KIF13B: variants seen among roughly 807,000 people sequenced by gnomAD.
KIF13B encodes kinesin family member 13B, also known as kinesin-like protein KIF13B.
In KIF13B, 127 loss-of-function variants were observed where a neutral mutation model predicts 222.0. That is an observed-to-expected ratio of 0.57 (90% CI 0.50 to 0.66). KIF13B has a LOEUF of 0.66. Among genes scored for constraint, KIF13B ranks in the 30% least tolerant of loss-of-function variants. The pLI, the probability that KIF13B is intolerant of heterozygous loss-of-function variation, is 0.00. For synonymous variants in KIF13B, 976 were observed against 919.0 expected, an observed-to-expected ratio of 1.06 and a Z score of -1.12; for missense variants, 2,173 against 2,379.0, an observed-to-expected ratio of 0.91 and a Z score of 1.80.
intron 2 of KIF13B, among the ~76,000 whole-genome samples, chr8:29,242,943 T>C (rs1254355216): frequency 1.3e-5 from 2 of 152,218 alleles, no homozygotes; most frequent in African/African-American, 4.8e-5. Context: ...TTAAGCAAAC[T>C]GAGTAAAATA....
At chr8:29,244,559 A>T (rs1305198336) in intron 2 of KIF13B, among the ~76,000 whole-genome samples, 1 of 152,100 alleles carries the variant, frequency 6.6e-6, no homozygotes, top group Non-Finnish European at 1.5e-5. Context: ...TTCCTAATCC[A>T]CCTTGATCCT....
At chr8:29,125,037 A>G (rs77153149) in intron 26 of KIF13B, among the ~76,000 whole-genome samples, 3 of 152,346 alleles carry the variant, frequency 2.0e-5, no homozygotes, top group African/African-American at 4.8e-5. Context: ...GTGGTAGAGC[A>G]AGACTCTGTC....
At chr8:29,162,668 A>G (rs1811832372) in intron 12 of KIF13B, among the ~76,000 whole-genome samples, 1 of 152,230 alleles carries the variant, frequency 6.6e-6, no homozygotes, top group Admixed American at 6.5e-5. Flanking sequence ...TTTTTGTCAA[A>G]GCCGAAAGAG....
rs1039548208 is a variant in KIF13B at position 29,160,873 on chromosome 8, A to G, written c.1270-6T>C. On this transcript the variant is annotated splice_region_variant and splice_polypyrimidine_tract_variant and intron_variant, in intron 12 of 39. Coordinates refer to ENST00000524189, the MANE Select transcript of KIF13B (RefSeq NM_015254.4). ...TCAAGCTGTTTCTGTCGTTCCTGTA[A>G]ATGTTATCAGAGAAGTATTAATTTC... The G allele has an allele frequency of 4.3e-6, 7 of 1,612,268 alleles. No individual in the cohort carries two copies. The South Asian group carries it at 6.6e-5, about 15-fold the overall frequency.
intron 1 of KIF13B, among the ~76,000 whole-genome samples, chr8:29,252,779 A>G (rs1384929157): frequency 2.0e-5 from 3 of 152,228 alleles, no homozygotes; most frequent in Admixed American, 1.3e-4. Flanking sequence ...AGCAGGAAAC[A>G]CTACCTATAC....
chr8:29,139,527 C>T (rs538263784), intron 21 of KIF13B, among the ~76,000 whole-genome samples: 1 of 152,284 alleles, frequency 6.6e-6, no homozygotes, highest in East Asian at 1.9e-4. Flanking sequence ...TCAATATACG[C>T]GAAGTCTTAC....
intron 12 of KIF13B, 123 bp downstream of exon 12, chr8:29,165,539 T>C: frequency 1.6e-6 from 1 of 629,040 alleles, no homozygotes; most frequent in Non-Finnish European, 2.8e-6. Flanking sequence ...TCTAGATTCC[T>C]AATGATAGTG....
intron 2 of KIF13B, among the ~76,000 whole-genome samples, chr8:29,238,349 C>T (rs1379270207): frequency 6.6e-6 from 1 of 152,174 alleles, no homozygotes; most frequent in Non-Finnish European, 1.5e-5. Context: ...CTCAATTCTG[C>T]ACATACTTTA....
rs543721855 is a variant in KIF13B at position 29,214,364 on chromosome 8, T to C, written c.150-18165A>G. Among the ~76,000 whole-genome samples the C allele has an allele frequency of 1.8e-3, 277 of 152,370 alleles. 1 individual carries two copies. Among genetic ancestry groups the C allele is most frequent in the Middle Eastern group, 6.8e-3 (2 of 294 alleles). On this transcript the variant is annotated intron_variant, in intron 2 of 39. Coordinates refer to ENST00000524189, the MANE Select transcript of KIF13B (RefSeq NM_015254.4). ...TTATATCCTTATTCTAGAAGTTTTA[T>C]ATTTTTAGAACTTTTTTAAAAAATT...
At chr8:29,178,652 T>TA (rs35590594) in intron 8 of KIF13B, among the ~76,000 whole-genome samples, 90,016 of 139,050 alleles carry the variant, frequency 0.65, 30,298 homozygotes, top group Non-Finnish European at 0.76. Flanking sequence ...TACTTTTAGT[T>TA]AAAAAAAAAA....
In KIF13B at chr8:29,135,935, T is replaced by C. The variant is rs74466583; in HGVS notation, c.2614-1725A>G. ...AAGCAAAAACACATTTCGAGAAGTA[T>C]TGATGACACACAAAATTACACAAAC... On this transcript the variant is annotated intron_variant, in intron 21 of 39. Transcript: ENST00000524189. Among the ~76,000 whole-genome samples, 809 of 145,814 alleles carry C rather than the reference T, an allele frequency of 5.5e-3. 6 individuals are homozygous for C. The highest frequency in any genetic ancestry group is 0.019 in the African/African-American group (737 of 39,188).
chr8:29,109,328 G>A (rs899633190), intron 34 of KIF13B, 106 bp downstream of exon 34: 1 of 869,526 alleles, frequency 1.2e-6, no homozygotes, highest in Admixed American at 1.9e-5. Flanking sequence ...CCTGGCAAGG[G>A]AAGGGTTTCG....
chr8:29,201,885 C>A (rs920950600), intron 2 of KIF13B, among the ~76,000 whole-genome samples: 1 of 152,176 alleles, frequency 6.6e-6, no homozygotes, highest in Non-Finnish European at 1.5e-5. Flanking sequence ...ACTTTCCATA[C>A]ATGGAATGAA....
At chr8:29,206,799 A>G (rs1036023412) in intron 2 of KIF13B, among the ~76,000 whole-genome samples, 2 of 152,200 alleles carry the variant, frequency 1.3e-5, no homozygotes. Flanking sequence ...TATGTCATAT[A>G]ATAGGTGCTA....
chr8:29,191,378 T>C (rs548363905), intron 3 of KIF13B, among the ~76,000 whole-genome samples: 1 of 152,304 alleles, frequency 6.6e-6, no homozygotes, highest in East Asian at 1.9e-4. Flanking sequence ...GTTTTTATAT[T>C]TTTTCAATAT....
intron 23 of KIF13B, among the ~76,000 whole-genome samples, chr8:29,132,014 A>C (rs1185006033): frequency 6.6e-6 from 1 of 152,182 alleles, no homozygotes; most frequent in African/African-American, 2.4e-5. Context: ...TGGGAGGGTG[A>C]GGTGGGCAGA....
intron 38 of KIF13B, among the ~76,000 whole-genome samples, chr8:29,074,231 C>A (rs1230007669): frequency 6.6e-6 from 1 of 152,180 alleles, no homozygotes; most frequent in East Asian, 1.9e-4. Context: ...CTGGCTTGGG[C>A]TGGGCTGGAA....
chr8:29,071,504 G>A lies in KIF13B; in HGVS notation c.5218+116C>T, dbSNP rs1186504270. 3.2e-6 allele frequency: 3 copies of A among 932,956 alleles called. No individual in the cohort carries two copies. The highest frequency in any genetic ancestry group is 4.9e-6 in the Non-Finnish European group (3 of 618,344). The allele number at this position is 932,956 out of a possible 1,614,324, so 57.8% of individuals were successfully genotyped here. A position where few individuals can be genotyped will look rare whatever the true frequency, so the allele number is the denominator to read the frequency against. On this transcript the variant is annotated intron_variant, in intron 39 of 39. Coordinates refer to ENST00000524189, the MANE Select transcript of KIF13B (RefSeq NM_015254.4). This position sits in a 1 kb window ranked among gnomAD's most constrained non-coding sequence, Gnocchi z 4.9. ...CCGCTCCCGCAGCTTCAGCCAAGCC[G>A]CTGCCTCCCGGCCCCTCCCTCTCCT...
At position 29,069,998 on chromosome 8, in the gene KIF13B, G is replaced by A. The variant is rs1807179165; in HGVS notation, c.*506C>T. 3 of 150,000 alleles carry A rather than the reference G, an allele frequency of 2.0e-5. No individual in the cohort carries two copies. The highest frequency in any genetic ancestry group is 6.6e-5 in the Admixed American group (1 of 15,222). The allele number at this position is 150,000 out of a possible 1,614,324, so 9.3% of individuals were successfully genotyped here. On this transcript the variant is annotated 3_prime_UTR_variant, in exon 40 of 40. Transcript: ENST00000524189. ...GTGGGAGGCTGGGGGGTCCCCCAGA[G>A]GCACTTTGCGGGAAACTGGGACCAG...
Sources: allele counts gnomAD v4.1 joint callset (sites outside exome capture counted in the v4.1 genomes callset), GRCh38; gene constraint gnomAD v4.1.1; non-coding constraint Gnocchi (gnomAD v3.1); transcripts MANE v1.5; gene names NCBI Gene and HGNC (gene_info 2026-07-23, HGNC 2026-07-21).